MYOM2: variants seen among roughly 807,000 people sequenced by gnomAD.
The protein encoded by MYOM2 is myomesin-2.
In MYOM2, 254 loss-of-function variants were observed where a neutral mutation model predicts 187.6. The ratio of observed to expected loss-of-function variants is 1.35; its 90% CI spans 1.22 to 1.50. The LOEUF (loss-of-function observed/expected upper bound fraction) is 1.50. MYOM2 is among the 40% of genes most tolerant of loss of function. The probability of loss-of-function intolerance (pLI) is 0.00; values close to 1 mark genes in which losing one functional copy is unlikely to be tolerated. For synonymous variants in MYOM2, 981 were observed against 753.8 expected (o/e 1.30, Z -4.94); for missense variants, 2,796 against 1,924.0 (o/e 1.45, Z -8.48).
intron 31 of MYOM2, among the ~76,000 whole-genome samples, chr8:2,127,352 G>C (rs1797684205): frequency 1.3e-5 from 2 of 151,960 alleles, no homozygotes; most frequent in Admixed American, 6.6e-5. Flanking sequence ...CAGATGCAGG[G>C]ACCCTCCAAG....
intron 11 of MYOM2, among the ~76,000 whole-genome samples, chr8:2,078,520 A>G (rs1194868249): frequency 6.6e-6 from 1 of 152,028 alleles, no homozygotes; most frequent in Non-Finnish European, 1.5e-5. Flanking sequence ...TACATATATA[A>G]TAGATATTAC....
chr8:2,140,796 G>A lies in MYOM2; in HGVS notation c.3874G>A (p.Glu1292Lys), dbSNP rs1366222096. 1.9e-6 allele frequency: 3 copies of A among 1,614,102 alleles called. No homozygotes were observed. Among genetic ancestry groups the A allele is most frequent in the Non-Finnish European group, 2.5e-6 (3 of 1,179,976 alleles). Reference sequence around the variant, plus strand: ...AGAGATGGCTTGGCTGCAGATATGTGAGCCGACTGAGAAGGATAAAGGAAA... The same window carrying A: ...AGAGATGGCTTGGCTGCAGATATGTAAGCCGACTGAGAAGGATAAAGGAAA... ...SEEMAWLQIC[E>K]PTEKDKGKYT... is the part of the protein sequence containing the mutation. The change falls in exon 33 of 37, where the codon GAG (glutamate) becomes AAG (lysine). Residue 1292 changes from glutamate to lysine, a missense_variant. Physicochemically the swap from Glu to Lys is moderately conservative, Grantham distance 56. Coordinates refer to ENST00000262113, the MANE Select transcript of MYOM2 (RefSeq NM_003970.4).
rs1482403565 is a variant in MYOM2 at position 2,092,504 on chromosome 8, C to T, written c.1987C>T (p.Pro663Ser). Residue 663 changes from proline (P) to serine (S), a missense_variant, in exon 16 of 37, where the codon CCC (proline) becomes TCC (serine). By Grantham distance (74) the Pro-to-Ser change is moderately conservative (BLOSUM62 -1). Coordinates refer to ENST00000262113, the MANE Select transcript of MYOM2 (RefSeq NM_003970.4). Reference sequence around the variant, plus strand: ...CCTCTGGGAGCCCTGCAACCACAAGCCCATCGGATACAACAGGTGCGGCCT... The same window carrying T: ...CCTCTGGGAGCCCTGCAACCACAAGTCCATCGGATACAACAGGTGCGGCCT... Reference protein sequence around the residue: ...TNLWEPCNHKPIGYNRFVVHG... With the variant: ...TNLWEPCNHKSIGYNRFVVHG... 3 of 1,613,948 alleles carry T rather than the reference C, an allele frequency of 1.9e-6. No homozygotes were observed. Among genetic ancestry groups the T allele is most frequent in the Non-Finnish European group, 2.5e-6 (3 of 1,180,008 alleles).
Position 2,078,908 on chromosome 8 carries a change from C to A in MYOM2, c.1437C>A (p.Asp479Glu). 6.2e-7 allele frequency: 1 copy of A among 1,613,954 alleles called. No homozygotes were observed. Among genetic ancestry groups the A allele is most frequent in the South Asian group, 1.1e-5 (1 of 91,078 alleles). Residue 479 changes from aspartate (D) to glutamate (E), a missense_variant, in exon 12 of 37, where the codon GAC becomes GAA. By Grantham distance (45) the Asp-to-Glu change is conservative. Coordinates refer to ENST00000262113, the MANE Select transcript of MYOM2 (RefSeq NM_003970.4). ...TCTCTGATGCGGTGGCTGCACTTGACCCCTTGGACCTCAGAAGGTTACAAG... is the reference window on the plus strand; with the variant it reads ...TCTCTGATGCGGTGGCTGCACTTGAACCCTTGGACCTCAGAAGGTTACAAG... Reference protein sequence around the residue: ...SRVSDAVAALDPLDLRRLQAV... With the variant: ...SRVSDAVAALEPLDLRRLQAV...
At chr8:2,096,561 C>A (rs999825063) in intron 18 of MYOM2, 127 bp downstream of exon 18, 4 of 884,088 alleles carry the variant, frequency 4.5e-6, no homozygotes, top group Non-Finnish European at 5.2e-6. Flanking sequence ...AAAATAGCAT[C>A]ATGAGATCAT....
chr8:2,112,277 A>G (rs1797092125), intron 25 of MYOM2, among the ~76,000 whole-genome samples: 2 of 152,280 alleles, frequency 1.3e-5, no homozygotes, highest in Middle Eastern at 3.4e-3. Context: ...TTAAAACAGT[A>G]CAGTAAACAC....
Position 2,078,939 on chromosome 8 carries a change from C to G in MYOM2, c.1462+6C>G, listed in dbSNP as rs1307183563. ...GGACCTCAGAAGGTTACAAGGTAAG[C>G]TGCTCACGCCTAAGTATCCACTGTG... is the stretch of plus-strand genomic sequence containing the variant. On this transcript the variant is annotated splice_donor_region_variant and intron_variant, in intron 12 of 36. Transcript: ENST00000262113. 2 of 1,613,084 alleles carry G rather than the reference C, an allele frequency of 1.2e-6. No individual in the cohort carries two copies. The highest frequency in any genetic ancestry group is 1.7e-6 in the Non-Finnish European group (2 of 1,179,410).
chr8:2,105,728 TAA>T (rs1211226102), intron 21 of MYOM2, among the ~76,000 whole-genome samples: 1 of 152,182 alleles, frequency 6.6e-6, no homozygotes, highest in East Asian at 1.9e-4. Context: ...AGGTCCTCCC[TAA>T]AGTGTTTTCT....
rs1798400977 is a variant in MYOM2 at position 2,144,774 on chromosome 8, G to C, written c.4191G>C (p.Gln1397His). 1 of 1,614,036 alleles carries C rather than the reference G, an allele frequency of 6.2e-7. No homozygotes were observed. The highest frequency in any genetic ancestry group is 1.7e-5 in the Admixed American group (1 of 59,992). Residue 1397 changes from glutamine (Q) to histidine (H), a missense_variant, in exon 37 of 37, where the codon CAG (glutamine) becomes CAC (histidine). Coordinates refer to ENST00000262113, the MANE Select transcript of MYOM2 (RefSeq NM_003970.4). Reference sequence around the variant, plus strand: ...AGCACTTCTCGGTGAAGGTGGAGCAGGCCAAGTACGTCAGCATGACCATCA... The same window carrying C: ...AGCACTTCTCGGTGAAGGTGGAGCACGCCAAGTACGTCAGCATGACCATCA... The part of the protein sequence containing the change: ...LSEHFSVKVE[Q>H]AKYVSMTIKG...
chr8:2,067,708 G>C (rs1034328267), intron 6 of MYOM2, among the ~76,000 whole-genome samples: 16 of 151,974 alleles, frequency 1.1e-4, no homozygotes, highest in African/African-American at 3.9e-4. Flanking sequence ...ACCCCCACAG[G>C]TACTTGGGTT....
chr8:2,135,242 T>TC (rs1304037667), intron 32 of MYOM2, among the ~76,000 whole-genome samples: 1 of 152,250 alleles, frequency 6.6e-6, no homozygotes, highest in African/African-American at 2.4e-5. Flanking sequence ...GTTCAGTGTT[T>TC]CCTACAATTA....
chr8:2,106,892 C>T (rs1163101896), intron 23 of MYOM2, among the ~76,000 whole-genome samples: 2 of 152,108 alleles, frequency 1.3e-5, no homozygotes, highest in Admixed American at 1.3e-4. Context: ...CAGAGGGTAA[C>T]ATATTAACTA....
chr8:2,098,338 T>C, intron 18 of MYOM2, among the ~76,000 whole-genome samples: 1 of 151,986 alleles, frequency 6.6e-6, no homozygotes, highest in East Asian at 1.9e-4. Context: ...GCCCGGTGGG[T>C]GGCCCCAGAC....
chr8:2,112,430 T>C lies in MYOM2; in HGVS notation c.3180+2899T>C, dbSNP rs111809148. Among the ~76,000 whole-genome samples, 1,240 of 151,228 alleles carry C rather than the reference T, an allele frequency of 8.2e-3. 14 individuals carry two copies. The highest frequency in any genetic ancestry group is 0.022 in the African/African-American group (916 of 41,102). ...GGGGTCAGGGATGGGAGGGAGAGAA[T>C]GAGACATTCCAAGCCGCTCTAGTGC... is the stretch of plus-strand genomic sequence containing the variant. On this transcript the variant is annotated intron_variant, in intron 25 of 36. Coordinates refer to ENST00000262113, the MANE Select transcript of MYOM2 (RefSeq NM_003970.4).
At chr8:2,141,323 A>T in intron 34 of MYOM2, 146 bp downstream of exon 34, 1 of 609,568 alleles carries the variant, frequency 1.6e-6, no homozygotes, top group Non-Finnish European at 2.9e-6. Context: ...TAAGCAATGC[A>T]GTATATGGAG....
In MYOM2 at chr8:2,145,248, A is replaced by T. The variant is rs1585990122; in HGVS notation, c.*267A>T. 13 of 558,534 alleles carry T rather than the reference A, an allele frequency of 2.3e-5. No individual in the cohort carries two copies. In the East Asian group the frequency reaches 4.0e-4, roughly 17 times the overall value. 34.6% of individuals were successfully genotyped at this position (558,534 alleles called of 1,614,324 possible). ...CTGACAGAGAGTGGGTTGGCAGACA[A>T]CACACTAGAATTTTCACGGGTGTGG... On this transcript the variant is annotated 3_prime_UTR_variant, in exon 37 of 37. Transcript: ENST00000262113.
intron 5 of MYOM2, among the ~76,000 whole-genome samples, chr8:2,058,480 C>G (rs1268089100): frequency 6.6e-6 from 1 of 152,194 alleles, no homozygotes; most frequent in Non-Finnish European, 1.5e-5. Flanking sequence ...TTTGGGACTG[C>G]AGATCTGCAG....
At chr8:2,083,527 T>A (rs1819706283) in intron 13 of MYOM2, among the ~76,000 whole-genome samples, 1 of 152,198 alleles carries the variant, frequency 6.6e-6, no homozygotes, top group African/African-American at 2.4e-5. Flanking sequence ...CACGTGTGCT[T>A]AGCGGCATCT....
intron 34 of MYOM2, among the ~76,000 whole-genome samples, chr8:2,141,882 C>G (rs1474290525): frequency 6.6e-6 from 1 of 152,166 alleles, no homozygotes; most frequent in Non-Finnish European, 1.5e-5. Flanking sequence ...TCACACACAG[C>G]AACTTTTTAA....
Sources: gnomAD v4.1 joint callset for allele counts (sites outside exome capture counted in the v4.1 genomes callset) on GRCh38, gnomAD v4.1.1 for gene constraint, MANE v1.5 for transcripts, NCBI Gene and HGNC (gene_info 2026-07-23, HGNC 2026-07-21) for gene names.